Variants in NTRK3 observed in about 807,000 individuals in gnomAD.
NTRK3 encodes the protein NT-3 growth factor receptor.
Under a neutral mutation model 91.7 loss-of-function variants are expected in NTRK3, and 24 were observed. That is an observed-to-expected ratio of 0.26 (90% CI 0.19 to 0.37). The LOEUF (loss-of-function observed/expected upper bound fraction) is 0.37. Among genes scored for constraint, NTRK3 ranks in the 10% least tolerant of loss-of-function variants. The pLI, the probability that NTRK3 is intolerant of heterozygous loss-of-function variation, is 1.00. For missense variants in NTRK3, 880 were observed against 1,068.9 expected, an observed-to-expected ratio of 0.82 and a Z score of 2.46; for synonymous variants, 483 against 404.0, an observed-to-expected ratio of 1.20 and a Z score of -2.34.
At chr15:87,888,004 T>C (rs1432426173) in intron 17 of NTRK3, among the ~76,000 whole-genome samples, 3 of 152,130 alleles carry the variant, frequency 2.0e-5, no homozygotes, top group African/African-American at 7.2e-5. Context: ...ATGTAAGTAA[T>C]AAGGCACAGG....
In NTRK3 at chr15:88,255,173, T is replaced by C. The variant is rs2053891170; in HGVS notation, c.248+733A>G. On this transcript the variant is annotated intron_variant, in intron 3 of 18. Transcript: ENST00000394480. The surrounding 1 kb of genome is among the most constrained non-coding windows in gnomAD (Gnocchi z 4.3). ...CCTGCGCCATCCTGACTCGGAATAGTTCCGAGCAGTTATCAAAGCCCAAAC... is the reference window on the plus strand; with the variant it reads ...CCTGCGCCATCCTGACTCGGAATAGCTCCGAGCAGTTATCAAAGCCCAAAC... Among the ~76,000 whole-genome samples the C allele has an allele frequency of 6.6e-6, 1 of 152,030 alleles. No individual in the cohort carries two copies. The highest frequency in any genetic ancestry group is 2.1e-4 in the South Asian group (1 of 4,812).
At chr15:88,142,401 C>T (rs2042471214) in intron 6 of NTRK3, among the ~76,000 whole-genome samples, 1 of 152,264 alleles carries the variant, frequency 6.6e-6, no homozygotes, top group African/African-American at 2.4e-5. Context: ...CTGATGGCTC[C>T]CCACATATTA....
chr15:87,918,917 A>G (rs2067652705), intron 17 of NTRK3, among the ~76,000 whole-genome samples: 1 of 152,210 alleles, frequency 6.6e-6, no homozygotes, highest in African/African-American at 2.4e-5. Context: ...ATCTAAAGAC[A>G]ATGTCATCAA....
chr15:88,095,499 G>A (rs979158228), intron 13 of NTRK3, among the ~76,000 whole-genome samples: 1 of 152,198 alleles, frequency 6.6e-6, no homozygotes, highest in African/African-American at 2.4e-5. Flanking sequence ...GGAGTCAGAA[G>A]GAGGAAAGCA....
At chr15:88,127,061 A>C (rs924178914) in intron 12 of NTRK3, 101 bp downstream of exon 12, 6 of 1,050,748 alleles carry the variant, frequency 5.7e-6, no homozygotes, top group Non-Finnish European at 7.2e-6. Context: ...TTTTTTTCAA[A>C]GTTTCAAGTA....
intron 17 of NTRK3, among the ~76,000 whole-genome samples, chr15:87,888,238 G>A (rs1349726365): frequency 6.6e-6 from 1 of 152,132 alleles, no homozygotes; most frequent in Non-Finnish European, 1.5e-5. Flanking sequence ...TGCAATCCTG[G>A]TTGCATTATT....
intron 13 of NTRK3, among the ~76,000 whole-genome samples, chr15:88,087,457 T>TCA (rs2048606426): frequency 6.6e-6 from 1 of 152,132 alleles, no homozygotes; most frequent in South Asian, 2.1e-4. Flanking sequence ...CCACTGTCAC[T>TCA]CAGCCTCATG....
chr15:87,999,592 A>G (rs2075955338), intron 14 of NTRK3, among the ~76,000 whole-genome samples: 1 of 152,196 alleles, frequency 6.6e-6, no homozygotes, highest in African/African-American at 2.4e-5. Context: ...AGCCATGTAG[A>G]TATTTCCCTG....
chr15:88,221,628 T>A (rs911105460), intron 3 of NTRK3, among the ~76,000 whole-genome samples: 2 of 152,090 alleles, frequency 1.3e-5, no homozygotes, highest in Admixed American at 1.3e-4. Flanking sequence ...TCATCTCTAT[T>A]TAAAAAAATA....
intron 3 of NTRK3, among the ~76,000 whole-genome samples, chr15:88,244,829 A>T (rs1567710356): frequency 1.3e-5 from 2 of 152,236 alleles, no homozygotes; most frequent in East Asian, 3.9e-4. Context: ...TACAATAGCC[A>T]AGAGGGAATC....
At chr15:88,146,101 C>G (rs765921062) in intron 6 of NTRK3, among the ~76,000 whole-genome samples, 21 of 152,170 alleles carry the variant, frequency 1.4e-4, no homozygotes, top group Non-Finnish European at 2.9e-5. Flanking sequence ...TAAGAGATTG[C>G]TTGGCACAAT....
intron 17 of NTRK3, among the ~76,000 whole-genome samples, chr15:87,911,295 T>C (rs1346533327): frequency 1.3e-5 from 2 of 152,222 alleles, no homozygotes; most frequent in Admixed American, 1.3e-4. Context: ...TGCACGTACA[T>C]AATTATGAGT....
In NTRK3 at chr15:88,011,536, C is replaced by A. The variant is rs189615072; in HGVS notation, c.1585+21321G>T. Among the ~76,000 whole-genome samples, 278 of 152,246 alleles carry A rather than the reference C, an allele frequency of 1.8e-3. 2 individuals are homozygous for A. The highest frequency in any genetic ancestry group is 6.5e-3 in the African/African-American group (269 of 41,550). On this transcript the variant is annotated intron_variant, in intron 14 of 18. Coordinates refer to ENST00000394480, the Ensembl canonical transcript of NTRK3. ...ATCTCAGTAATCTGATATTTTCTGG[C>A]AAAATCTTCTCCTTGACTTTGGCAA...
At chr15:88,006,199 A>T (rs2076475059) in intron 14 of NTRK3, among the ~76,000 whole-genome samples, 1 of 152,112 alleles carries the variant, frequency 6.6e-6, no homozygotes, top group African/African-American at 2.4e-5. Flanking sequence ...CCCCAAAAAA[A>T]TTTTTCCCAC....
chr15:87,948,106 T>C (rs756260494), intron 14 of NTRK3, among the ~76,000 whole-genome samples: 2 of 152,232 alleles, frequency 1.3e-5, no homozygotes, highest in South Asian at 2.1e-4. Context: ...GCATAAGGTA[T>C]TGCATAAGAG....
Position 87,979,121 on chromosome 15 carries a change from A to G in NTRK3, c.1586-38368T>C. The G allele has an allele frequency of 5.0e-6, 3 of 604,078 alleles. No individual in the cohort carries two copies. In the South Asian group the frequency reaches 6.1e-5, roughly 12 times the overall value. The allele number at this position is 604,078 out of a possible 1,614,324, so 37.4% of individuals were successfully genotyped here. A position where few individuals can be genotyped will look rare whatever the true frequency, so the allele number is the denominator to read the frequency against. ...GCAGGAGCTGCCTCGTAGGCCGGGA[A>G]AAAAGGAGCACAGTGATGATTGGAG... On this transcript the variant is annotated intron_variant, in intron 14 of 18. Coordinates refer to ENST00000394480, the Ensembl canonical transcript of NTRK3.
intron 17 of NTRK3, among the ~76,000 whole-genome samples, chr15:87,899,850 T>C (rs181407758): frequency 2.0e-5 from 3 of 152,294 alleles, no homozygotes; most frequent in South Asian, 2.1e-4. Flanking sequence ...TTCCCATCTG[T>C]TCACTGACTG....
chr15:87,998,976 G>A (rs1410522278), intron 14 of NTRK3, among the ~76,000 whole-genome samples: 3 of 152,058 alleles, frequency 2.0e-5, no homozygotes, highest in Admixed American at 6.6e-5. Context: ...ATGGAGGAAG[G>A]CAATTCAATC....
chr15:87,982,685 T>G (rs558094588), intron 14 of NTRK3, among the ~76,000 whole-genome samples: 9 of 152,196 alleles, frequency 5.9e-5, no homozygotes, highest in Non-Finnish European at 1.2e-4. Context: ...GGATGAGAGG[T>G]TCTGGAGCCA....
Sources: allele counts gnomAD v4.1 joint callset (sites outside exome capture counted in the v4.1 genomes callset), GRCh38; gene constraint gnomAD v4.1.1; non-coding constraint Gnocchi (gnomAD v3.1); transcripts MANE v1.5; gene names NCBI Gene and HGNC (gene_info 2026-07-23, HGNC 2026-07-21).